Variants in RANBP2 observed in about 807,000 individuals in gnomAD.
RANBP2 encodes RAN binding protein 2, also known as E3 SUMO-protein ligase RanBP2.
A neutral mutation model predicts 303.6 loss-of-function variants in RANBP2; 57 were observed. The ratio of observed to expected loss-of-function variants is 0.19; its 90% confidence interval spans 0.15 to 0.23. The LOEUF (loss-of-function observed/expected upper bound fraction) is 0.23, where lower values mean the gene tolerates loss of function less well. Among genes scored for constraint, RANBP2 ranks in the 10% least tolerant of loss-of-function variants. The pLI, the probability that RANBP2 is intolerant of heterozygous loss-of-function variation, is 1.00. For synonymous variants in RANBP2, 1,167 were observed against 1,301.5 expected (o/e 0.90, Z 2.23); for missense variants, 3,138 against 3,780.8 (o/e 0.83, Z 4.46).
chr2:109,160,368 G>A, the RANBP2 span, among the ~76,000 whole-genome samples: 1 of 152,232 alleles, frequency 6.6e-6, no homozygotes, highest in Admixed American at 6.5e-5. Flanking sequence ...ACACATTTGT[G>A]TGCCCAAAGC....
chr2:108,909,442 T>TGAATCATAGGAAGATCATG, the RANBP2 span, among the ~76,000 whole-genome samples: 138,201 of 151,510 alleles, frequency 0.91, 63,107 homozygotes, highest in East Asian at 1. Flanking sequence ...CTTTGCAAGG[T>TGAATCATAGGAAGATCATG]GAATCATAGG....
At chr2:109,424,055 C>T in the RANBP2 span, among the ~76,000 whole-genome samples, 48 of 152,288 alleles carry the variant, frequency 3.2e-4, no homozygotes, top group South Asian at 9.7e-3. Flanking sequence ...CTGGTGGTGG[C>T]AGCACATCCC....
chr2:108,795,441 G>A, the RANBP2 span, among the ~76,000 whole-genome samples: 1 of 152,190 alleles, frequency 6.6e-6, no homozygotes, highest in Non-Finnish European at 1.5e-5. Context: ...ACAGGCGTGA[G>A]CCACAGTGCC....
At chr2:109,236,742 C>CTGT in the RANBP2 span, among the ~76,000 whole-genome samples, 1 of 152,184 alleles carries the variant, frequency 6.6e-6, no homozygotes, top group East Asian at 1.9e-4. Context: ...GGACTGTTTC[C>CTGT]TGTTTGCAAA....
chr2:109,259,748 G>C, the RANBP2 span, among the ~76,000 whole-genome samples: 1 of 152,206 alleles, frequency 6.6e-6, no homozygotes, highest in Admixed American at 6.5e-5. Context: ...CTTCATGGAG[G>C]CTTCACGTAG....
At chr2:109,188,708 C>T in the RANBP2 span, among the ~76,000 whole-genome samples, 1 of 152,276 alleles carries the variant, frequency 6.6e-6, no homozygotes, top group South Asian at 2.1e-4. Flanking sequence ...CACCTCCCAC[C>T]ACGTGGTGCT....
At chr2:109,564,423 C>T in the RANBP2 span, 253 of 1,595,554 alleles carry the variant, frequency 1.6e-4, 1 homozygote, top group African/African-American at 2.3e-3. Flanking sequence ...CAGTTTGCAG[C>T]GCCTGTAAAG....
chr2:109,319,284 A>G, the RANBP2 span, among the ~76,000 whole-genome samples: 46,344 of 152,130 alleles, frequency 0.3, 8,586 homozygotes, highest in African/African-American at 0.52. Context: ...GGTTCCTGGC[A>G]TCGTGATATG....
the RANBP2 span, among the ~76,000 whole-genome samples, chr2:109,493,392 G>A: frequency 1.5e-4 from 22 of 147,490 alleles, no homozygotes; most frequent in Admixed American, 1.5e-3. Context: ...ACATGGTACA[G>A]ACACCACACA....
At chr2:109,521,995 C>T in the RANBP2 span, among the ~76,000 whole-genome samples, 3 of 152,058 alleles carry the variant, frequency 2.0e-5, no homozygotes, top group East Asian at 1.9e-4. Flanking sequence ...AGGACAGCCA[C>T]GACTTACATG....
chr2:109,447,575 C>T, the RANBP2 span, among the ~76,000 whole-genome samples: 86 of 152,244 alleles, frequency 5.6e-4, no homozygotes, highest in Middle Eastern at 3.4e-3. Flanking sequence ...TGGTGCTGCC[C>T]GGGCCACTTG....
At chr2:108,870,020 T>C in the RANBP2 span, among the ~76,000 whole-genome samples, 1 of 152,254 alleles carries the variant, frequency 6.6e-6, no homozygotes, top group African/African-American at 2.4e-5. Context: ...TTAAATATGC[T>C]CAATGAGCTA....
chr2:109,155,710 A>T, the RANBP2 span, among the ~76,000 whole-genome samples: 1 of 152,196 alleles, frequency 6.6e-6, no homozygotes, highest in South Asian at 2.1e-4. Context: ...GAACTTTGAT[A>T]GGGTTTCTAG....
the RANBP2 span, among the ~76,000 whole-genome samples, chr2:108,918,041 A>G: frequency 6.6e-6 from 1 of 152,196 alleles, no homozygotes; most frequent in African/African-American, 2.4e-5. Context: ...CACCAGCATC[A>G]TGTTGAATGC....
At chr2:109,107,775 G>A in the RANBP2 span, among the ~76,000 whole-genome samples, 4 of 151,906 alleles carry the variant, frequency 2.6e-5, no homozygotes, top group South Asian at 4.2e-4. Context: ...AGTCTCTGTC[G>A]CCCAAGCTGG....
At chr2:109,309,265 C>T in the RANBP2 span, among the ~76,000 whole-genome samples, 2 of 147,694 alleles carry the variant, frequency 1.4e-5, no homozygotes, top group African/African-American at 5.2e-5. Flanking sequence ...GATTTTTGTA[C>T]ATTGATTTTG....
chr2:109,432,742 T>C, the RANBP2 span: 1 of 1,520,544 alleles, frequency 6.6e-7, no homozygotes, highest in Non-Finnish European at 8.8e-7. Context: ...CTGTTGTTAC[T>C]GCTGGAGGCT....
At chr2:109,639,381 G>C in the RANBP2 span, among the ~76,000 whole-genome samples, 1 of 152,088 alleles carries the variant, frequency 6.6e-6, no homozygotes, top group Non-Finnish European at 1.5e-5. Flanking sequence ...AGCATTTTGG[G>C]AGGCCAAGGT....
At chr2:109,027,295 G>A in the RANBP2 span, among the ~76,000 whole-genome samples, 5 of 152,038 alleles carry the variant, frequency 3.3e-5, no homozygotes, top group South Asian at 6.2e-4. Flanking sequence ...TTGAAGGAGG[G>A]TGGGTCTCCT....
Sources: gnomAD v4.1 joint callset for allele counts (sites outside exome capture counted in the v4.1 genomes callset) on GRCh38, gnomAD v4.1.1 for gene constraint, MANE v1.5 for transcripts, NCBI Gene and HGNC (gene_info 2026-07-23, HGNC 2026-07-21) for gene names.